Variants in SLC43A1 observed in about 807,000 individuals in gnomAD.
SLC43A1 encodes solute carrier family 43 member 1.
SLC43A1 carries 31 observed loss-of-function variants against 59.5 expected under a neutral mutation model. The ratio of observed to expected loss-of-function variants is 0.52; its 90% CI spans 0.39 to 0.70. The LOEUF (loss-of-function observed/expected upper bound fraction) is 0.70, where lower values mean the gene tolerates loss of function less well. Among genes scored for constraint, SLC43A1 ranks in the 30% least tolerant of loss-of-function variants. SLC43A1 has a pLI of 0.00. For synonymous variants in SLC43A1, 259 were observed against 290.9 expected (o/e 0.89, Z 1.12); for missense variants, 598 against 717.8 (o/e 0.83, Z 1.91).
intron 8 of SLC43A1, among the ~76,000 whole-genome samples, chr11:57,493,708 T>C (rs1943997794): frequency 6.6e-6 from 1 of 152,112 alleles, no homozygotes; most frequent in South Asian, 2.1e-4. Flanking sequence ...CAAGGGGCCC[T>C]GAGGAAACCA....
chr11:57,507,402 G>A (rs1286585863), intron 2 of SLC43A1, among the ~76,000 whole-genome samples: 4 of 152,134 alleles, frequency 2.6e-5, no homozygotes, highest in East Asian at 1.9e-4. Flanking sequence ...CCCAGGAGGC[G>A]GAGGTTGCAG....
At chr11:57,491,559 C>A in intron 10 of SLC43A1, 32 bp downstream of exon 10, 1 of 1,613,428 alleles carries the variant, frequency 6.2e-7, no homozygotes, top group Non-Finnish European at 8.5e-7. Flanking sequence ...GTGGGGTGGG[C>A]GTGAGCCAGG....
chr11:57,505,553 C>A (rs1215277360), intron 2 of SLC43A1, among the ~76,000 whole-genome samples: 1 of 151,900 alleles, frequency 6.6e-6, no homozygotes, highest in African/African-American at 2.4e-5. Context: ...AAAAACGATA[C>A]ACGTATATAC....
At chr11:57,511,656 A>C (rs761364063) in intron 2 of SLC43A1, among the ~76,000 whole-genome samples, 3 of 152,148 alleles carry the variant, frequency 2.0e-5, no homozygotes, top group Non-Finnish European at 4.4e-5. Flanking sequence ...ATCTCCATCA[A>C]CTGACAAATG....
chr11:57,514,280 C>T lies in SLC43A1; in HGVS notation c.-13-156G>A. ...GGGCTTCCCAGCCGGTGCCAAGGAG[C>T]TGGCTCCGCGCGCACTAGCAGTGCC... On this transcript the variant is annotated intron_variant, in intron 1 of 14. Transcript: ENST00000278426. The surrounding 1 kb of genome is among the most constrained non-coding windows in gnomAD (Gnocchi z 5.5). 1.2e-6 allele frequency: 1 copy of T among 853,412 alleles called. No homozygotes were observed. The highest frequency in any genetic ancestry group is 1.8e-6 in the Non-Finnish European group (1 of 570,920). 52.9% of individuals were successfully genotyped at this position (853,412 alleles called of 1,614,324 possible).
chr11:57,502,927 C>A (rs1314823288), intron 2 of SLC43A1, among the ~76,000 whole-genome samples: 1 of 148,950 alleles, frequency 6.7e-6, no homozygotes, highest in Non-Finnish European at 1.5e-5. Flanking sequence ...AAAAAACCAA[C>A]AAGGGGACAA....
At chr11:57,511,530 C>T (rs1944545981) in intron 2 of SLC43A1, among the ~76,000 whole-genome samples, 1 of 152,122 alleles carries the variant, frequency 6.6e-6, no homozygotes, top group South Asian at 2.1e-4. Context: ...CACATTCAAA[C>T]TCCTGGCCTC....
chr11:57,497,703 C>A, intron 6 of SLC43A1, 50 bp downstream of exon 6: 2 of 1,456,606 alleles, frequency 1.4e-6, no homozygotes, highest in South Asian at 2.3e-5. Flanking sequence ...TCACTCGGCC[C>A]CACCCGGTTC....
intron 8 of SLC43A1, 129 bp downstream of exon 8, chr11:57,493,864 C>T (rs769674038): frequency 1.2e-6 from 1 of 835,988 alleles, no homozygotes. Flanking sequence ...GGAGCATGCC[C>T]CACCTACATC....
At chr11:57,487,626 G>T (rs1439214874) in intron 13 of SLC43A1, among the ~76,000 whole-genome samples, 1 of 152,044 alleles carries the variant, frequency 6.6e-6, no homozygotes, top group East Asian at 1.9e-4. Flanking sequence ...CCATCGAGGA[G>T]GTGGCATTCC....
chr11:57,498,166 C>T (rs925992537), intron 5 of SLC43A1, among the ~76,000 whole-genome samples: 1 of 152,154 alleles, frequency 6.6e-6, no homozygotes, highest in Non-Finnish European at 1.5e-5. Context: ...CTTGGCTGGG[C>T]GCAGTGGCTC....
Position 57,514,654 on chromosome 11 carries a change from C to T in SLC43A1, c.-13-530G>A, listed in dbSNP as rs1228599525. On this transcript the variant is annotated intron_variant, in intron 1 of 14. Transcript: ENST00000278426. The surrounding 1 kb of genome is among the most constrained non-coding windows in gnomAD (Gnocchi z 5.5). ...CTGGGGCCGGGCGACAGCAAGCCCT[C>T]CCCCTTTCCGTATCAGGTGACCCAC... 1 of 203,104 alleles carries T rather than the reference C, an allele frequency of 4.9e-6. No homozygotes were observed. The highest frequency in any genetic ancestry group is 6.0e-5 in the Admixed American group (1 of 16,646). 12.6% of individuals were successfully genotyped at this position (203,104 alleles called of 1,614,324 possible).
At chr11:57,485,778 T>C (rs1210395602) in intron 14 of SLC43A1, among the ~76,000 whole-genome samples, 2 of 152,224 alleles carry the variant, frequency 1.3e-5, no homozygotes, top group Non-Finnish European at 2.9e-5. Context: ...TGGCAATTCT[T>C]ACTGAGTGCC....
At position 57,485,055 on chromosome 11, in the gene SLC43A1, G is replaced by A. The variant is rs778911456; in HGVS notation, c.*41C>T. 1 of 1,584,634 alleles carries A rather than the reference G, an allele frequency of 6.3e-7. No homozygotes were observed. Among genetic ancestry groups the A allele is most frequent in the South Asian group, 1.2e-5 (1 of 86,140 alleles). On this transcript the variant is annotated 3_prime_UTR_variant, in exon 15 of 15. Transcript: ENST00000278426. ...TGGGGCACTCCTTTTGGTTGCTCAG[G>A]CCTTGATTGCCTGTCATCCAGGTCC...
At chr11:57,508,701 G>A (rs1414936755) in intron 2 of SLC43A1, among the ~76,000 whole-genome samples, 2 of 152,182 alleles carry the variant, frequency 1.3e-5, no homozygotes, top group Non-Finnish European at 2.9e-5. Context: ...GGCTGAGGTG[G>A]GAAGATCACG....
At chr11:57,509,514 G>C (rs1944472032) in intron 2 of SLC43A1, among the ~76,000 whole-genome samples, 1 of 151,814 alleles carries the variant, frequency 6.6e-6, no homozygotes, top group Non-Finnish European at 1.5e-5. Context: ...CTTGAACCCA[G>C]GAGGCAGAGG....
chr11:57,487,590 C>T (rs1295521898), intron 13 of SLC43A1, among the ~76,000 whole-genome samples: 3 of 152,056 alleles, frequency 2.0e-5, no homozygotes, highest in African/African-American at 7.2e-5. Context: ...GGAGATACCA[C>T]GATCAAGCAA....
rs1012342379 is a variant in SLC43A1, at chr11:57,506,549, A to C, written c.155-5220T>G. On this transcript the variant is annotated intron_variant, in intron 2 of 14. Coordinates refer to ENST00000278426, the MANE Select transcript of SLC43A1 (RefSeq NM_003627.6). ...GACCTTGTCTCAAAAACAAACAAACAAAATCTTAGGATTGGGCTCTCGCTG... is the reference window on the plus strand; with the variant it reads ...GACCTTGTCTCAAAAACAAACAAACCAAATCTTAGGATTGGGCTCTCGCTG... 2.0e-5 allele frequency among the ~76,000 whole-genome samples: 3 copies of C among 152,252 alleles called. No homozygotes were observed. The East Asian group carries it at 5.8e-4, about 29-fold the overall frequency.
rs144054622 is a variant in SLC43A1, at chr11:57,496,138, G to A, written c.585C>T (p.Phe195=). The A allele has an allele frequency of 2.7e-5, 43 of 1,614,012 alleles. No homozygotes were observed. Among genetic ancestry groups the A allele is most frequent in the African/African-American group, 1.6e-4 (12 of 74,908 alleles). Residue 195 remains phenylalanine, a synonymous_variant, in exon 7 of 15, where the codon TTC becomes TTT. Transcript: ENST00000278426. ...CAGACCAGGTGAACATGATGACCAC[G>A]AAGGCCACACCGGCATCGTAGATCA... ...IKLIYDAGVA[F]VVIMFTWSGL...
Sources: gnomAD v4.1 joint callset for allele counts (sites outside exome capture counted in the v4.1 genomes callset) on GRCh38, gnomAD v4.1.1 for gene constraint, Gnocchi (gnomAD v3.1) non-coding constraint, MANE v1.5 for transcripts, NCBI Gene and HGNC (gene_info 2026-07-23, HGNC 2026-07-21) for gene names.